The following LHFPL3 variants were observed in gnomAD, a reference collection of about 807,000 sequenced individuals.
LHFPL3 encodes LHFPL tetraspan subfamily member 3 protein.
Under a neutral mutation model 19.3 loss-of-function variants are expected in LHFPL3, and 5 were observed. The observed-to-expected ratio is 0.26, with a 90% CI of 0.14 to 0.54. The LOEUF is 0.54. LHFPL3 is among the 20% of genes least tolerant of loss of function. The pLI is 0.94. For missense variants in LHFPL3, 249 were observed against 307.4 expected (o/e 0.81, Z 1.42); for synonymous variants, 133 against 126.2 (o/e 1.05, Z -0.36).
intron 2 of LHFPL3, among the ~76,000 whole-genome samples, chr7:104,905,605 T>C (rs939031039): frequency 3.9e-5 from 6 of 152,148 alleles, no homozygotes; most frequent in African/African-American, 1.2e-4. Flanking sequence ...TATGCTGATA[T>C]GGACAATGGA....
At chr7:104,635,838 T>C (rs1791299320) in intron 1 of LHFPL3, among the ~76,000 whole-genome samples, 1 of 151,900 alleles carries the variant, frequency 6.6e-6, no homozygotes, top group South Asian at 2.1e-4. Flanking sequence ...AAAGATGCAA[T>C]AGAAAGCTAG....
At chr7:104,409,563 C>T (rs920894662) in intron 1 of LHFPL3, among the ~76,000 whole-genome samples, 1 of 152,050 alleles carries the variant, frequency 6.6e-6, no homozygotes, top group Non-Finnish European at 1.5e-5. Context: ...CTGCGGTGAG[C>T]TGTGACCATG....
At chr7:104,618,820 C>T (rs1404363502) in intron 1 of LHFPL3, among the ~76,000 whole-genome samples, 1 of 152,180 alleles carries the variant, frequency 6.6e-6, no homozygotes, top group Non-Finnish European at 1.5e-5. Flanking sequence ...GCCAAGGTCC[C>T]ACAGTCCCTT....
intron 1 of LHFPL3, among the ~76,000 whole-genome samples, chr7:104,564,367 C>A (rs1790078651): frequency 6.6e-6 from 1 of 152,140 alleles, no homozygotes; most frequent in South Asian, 2.1e-4. Context: ...AAATATGCCA[C>A]TAGGGTAGAT....
chr7:104,447,908 T>C (rs768398503), intron 1 of LHFPL3, among the ~76,000 whole-genome samples: 27 of 152,150 alleles, frequency 1.8e-4, no homozygotes, highest in Non-Finnish European at 3.5e-4. Context: ...CTATGTTAAG[T>C]TGGACTACAA....
intron 1 of LHFPL3, among the ~76,000 whole-genome samples, chr7:104,585,510 C>CACACACACACACACACACACACAT (rs1562941860): frequency 6.6e-6 from 1 of 151,218 alleles, no homozygotes; most frequent in East Asian, 2.0e-4. Context: ...CACACACACA[C>CACACACACACACACACACACACAT]ACACACACAC....
chr7:104,343,728 CGTGTGT>C lies in LHFPL3; in HGVS notation c.445+14520_445+14525del, dbSNP rs10687589. 1.1e-3 allele frequency among the ~76,000 whole-genome samples: 165 copies of C among 148,856 alleles called. 1 individual carries two copies. The highest frequency in any genetic ancestry group is 3.8e-3 in the African/African-American group (155 of 40,582). The stretch of plus-strand genomic sequence containing the variant: ...ATTTTACATTTGTGTGTATGGCTTG[CGTGTGT>C]GTGTGTGTGTGTGTGGTTTACAAAA... On this transcript the variant is annotated intron_variant, in intron 1 of 2. Coordinates refer to ENST00000424859, the MANE Select transcript of LHFPL3 (RefSeq NM_199000.3).
chr7:104,585,106 C>G (rs902425746), intron 1 of LHFPL3, among the ~76,000 whole-genome samples: 1 of 152,056 alleles, frequency 6.6e-6, no homozygotes, highest in African/African-American at 2.4e-5. Flanking sequence ...CTTCTCCCTA[C>G]TCCCAGCACT....
At chr7:104,771,575 G>C (rs540901074) in intron 2 of LHFPL3, among the ~76,000 whole-genome samples, 1 of 152,178 alleles carries the variant, frequency 6.6e-6, no homozygotes, top group South Asian at 2.1e-4. Flanking sequence ...ATTACATTTT[G>C]AGTATTTCAC....
chr7:104,359,079 A>C (rs575570286), intron 1 of LHFPL3, among the ~76,000 whole-genome samples: 34 of 152,346 alleles, frequency 2.2e-4, no homozygotes, highest in African/African-American at 5.8e-4. Context: ...TGCATGGGGC[A>C]GATGTGCAGA....
intron 2 of LHFPL3, chr7:104,738,533 C>A (rs1011262112): frequency 3.3e-5 from 5 of 152,094 alleles, no homozygotes; most frequent in Non-Finnish European, 5.9e-5. Flanking sequence ...ATATTGAGAA[C>A]CTTTCACTTT....
chr7:104,799,822 A>T (rs1482900249), intron 2 of LHFPL3: 1 of 153,344 alleles, frequency 6.5e-6, no homozygotes, highest in Non-Finnish European at 1.5e-5. Flanking sequence ...TTTTACCTTG[A>T]TTAATGCCCT....
intron 2 of LHFPL3, among the ~76,000 whole-genome samples, chr7:104,741,417 T>G (rs1305257540): frequency 7.6e-6 from 1 of 132,432 alleles, no homozygotes; most frequent in Non-Finnish European, 1.5e-5. Context: ...ATAAACTGAA[T>G]CATCCATGGA....
In LHFPL3 at chr7:104,551,440, A is replaced by C. The variant is rs942133339; in HGVS notation, c.446-185235A>C. Among the ~76,000 whole-genome samples, 8 of 152,222 alleles carry C rather than the reference A, an allele frequency of 5.3e-5. No individual in the cohort carries two copies. The South Asian group carries it at 1.0e-3, about 20-fold the overall frequency. ...ACTGACATGCAGAGGTGTGGAGTGC[A>C]GTGTTCTTCTTAGGAACATGAACTC... is the stretch of plus-strand genomic sequence containing the variant. On this transcript the variant is annotated intron_variant, in intron 1 of 2. Transcript: ENST00000424859.
intron 1 of LHFPL3, among the ~76,000 whole-genome samples, chr7:104,708,820 T>C (rs543068494): frequency 7.2e-5 from 11 of 152,318 alleles, no homozygotes; most frequent in Admixed American, 2.6e-4. Context: ...TTTTTCCTCA[T>C]GTTGTTTCTC....
chr7:104,487,301 C>T (rs1274727097), intron 1 of LHFPL3, among the ~76,000 whole-genome samples: 4 of 152,158 alleles, frequency 2.6e-5, no homozygotes, highest in Non-Finnish European at 5.9e-5. Flanking sequence ...TAAAGGTGAG[C>T]TATACATACA....
At chr7:104,361,064 G>C (rs1790382179) in intron 1 of LHFPL3, among the ~76,000 whole-genome samples, 1 of 152,158 alleles carries the variant, frequency 6.6e-6, no homozygotes, top group African/African-American at 2.4e-5. Flanking sequence ...AGTTTTATTA[G>C]AACCCAGCCA....
rs570139492 is a variant in LHFPL3, at chr7:104,516,442, C to T, written c.445+187218C>T. Among the ~76,000 whole-genome samples the T allele has an allele frequency of 1.2e-3, 184 of 151,972 alleles. 2 individuals carry two copies. The highest frequency in any genetic ancestry group is 4.2e-3 in the African/African-American group (173 of 41,432). On this transcript the variant is annotated intron_variant, in intron 1 of 2. Transcript: ENST00000424859. ...TTTTTTAAGATCTTCTAAAGGAGAG[C>T]ACAAATCATTAAAATTAATTTTAAT...
chr7:104,606,081 G>T (rs1031055184), intron 1 of LHFPL3, among the ~76,000 whole-genome samples: 1 of 152,028 alleles, frequency 6.6e-6, no homozygotes, highest in Non-Finnish European at 1.5e-5. Context: ...GGCTAGTCTT[G>T]AACTCCTGGC....
Sources: allele counts gnomAD v4.1 joint callset (sites outside exome capture counted in the v4.1 genomes callset), GRCh38; gene constraint gnomAD v4.1.1; transcripts MANE v1.5; gene names NCBI Gene and HGNC (gene_info 2026-07-23, HGNC 2026-07-21).